Variants in KIF15 observed in about 807,000 individuals in gnomAD.
KIF15 encodes the protein kinesin-like protein KIF15.
A neutral mutation model predicts 190.6 loss-of-function variants in KIF15; 140 were observed. The observed-to-expected ratio is 0.73, with a 90% confidence interval of 0.64 to 0.84. The LOEUF is 0.84. KIF15 is among the 40% of genes least tolerant of loss of function. The pLI is 0.00. For missense variants in KIF15, 1,372 were observed against 1,584.4 expected (o/e 0.87, Z 2.28); for synonymous variants, 528 against 551.3 (o/e 0.96, Z 0.59).
intron 32 of KIF15, 139 bp downstream of exon 32, chr3:44,848,697 T>C: frequency 2.4e-6 from 1 of 419,640 alleles, no homozygotes; most frequent in Non-Finnish European, 4.3e-6. Flanking sequence ...CAGATTTTTT[T>C]TTAAATACCA....
chr3:44,829,083 C>T (rs935714065), intron 24 of KIF15, among the ~76,000 whole-genome samples: 7 of 151,550 alleles, frequency 4.6e-5, no homozygotes, highest in Non-Finnish European at 7.4e-5. Context: ...TGATGCCAGG[C>T]GCAGTGGCTC....
chr3:44,821,266 C>G (rs35195370), intron 20 of KIF15, among the ~76,000 whole-genome samples: 1 of 151,158 alleles, frequency 6.6e-6, no homozygotes, highest in Non-Finnish European at 1.5e-5. Context: ...CTGACCCCCC[C>G]ACCTCCCTCC....
intron 15 of KIF15, 39 bp from the exon 16 acceptor site, chr3:44,805,806 C>T: frequency 6.4e-7 from 1 of 1,573,266 alleles, no homozygotes; most frequent in Non-Finnish European, 8.7e-7. Context: ...TTTGACATTA[C>T]TTATTACCTG....
chr3:44,797,697 C>A lies in KIF15; in HGVS notation c.975+21C>A, dbSNP rs114018677. On this transcript the variant is annotated intron_variant, in intron 9 of 34. Coordinates refer to ENST00000326047, the MANE Select transcript of KIF15 (RefSeq NM_020242.3). The stretch of plus-strand genomic sequence containing the variant: ...TACGGGTAAAGTAGATCCTTGGGTT[C>A]CTGGGCTCCTTTTGGTTATGCTAAA... 2.3e-3 allele frequency: 3,627 copies of A among 1,611,938 alleles called. 50 individuals are homozygous for A. The African/African-American group carries it at 0.033, about 15-fold the overall frequency.
chr3:44,762,051 C>A (rs1046247060), intron 1 of KIF15, among the ~76,000 whole-genome samples, 167 bp downstream of exon 1: 3 of 152,216 alleles, frequency 2.0e-5, no homozygotes, highest in Non-Finnish European at 4.4e-5. Flanking sequence ...AAAGACAATA[C>A]GCTAGCCGAA....
chr3:44,812,400 C>T (rs2125659167), intron 18 of KIF15, 111 bp downstream of exon 18: 1 of 732,564 alleles, frequency 1.4e-6, no homozygotes, highest in East Asian at 2.7e-5. Context: ...GAAACATATT[C>T]AGAGAGTATC....
Position 44,838,262 on chromosome 3 carries a change from T to C in KIF15, c.3172-13T>C. 6.3e-7 allele frequency: 1 copy of C among 1,581,604 alleles called. No homozygotes were observed. The highest frequency in any genetic ancestry group is 1.2e-5 in the South Asian group (1 of 86,020). On this transcript the variant is annotated splice_polypyrimidine_tract_variant and intron_variant, in intron 26 of 34. Coordinates refer to ENST00000326047, the MANE Select transcript of KIF15 (RefSeq NM_020242.3). Reference sequence around the variant, plus strand: ...ACCATAATTAAGAAACTGTGATGATTGTCTCCTAACAGAGGGATATGCTCT... The same window carrying C: ...ACCATAATTAAGAAACTGTGATGATCGTCTCCTAACAGAGGGATATGCTCT...
chr3:44,777,979 ATAGT>A lies in KIF15; in HGVS notation c.247-134_247-131del, dbSNP rs1219057552. On this transcript the variant is annotated intron_variant, in intron 3 of 34. Coordinates refer to ENST00000326047, the MANE Select transcript of KIF15 (RefSeq NM_020242.3). ...TATGTGTAAAGTTGAATCATCTTAG[ATAGT>A]TTAGCCTTTTTTCTGTAGTGGATGT... 9 of 694,978 alleles carry A rather than the reference ATAGT, an allele frequency of 1.3e-5. No individual in the cohort carries two copies. The Admixed American group carries it at 1.9e-4, about 15-fold the overall frequency. 43.1% of individuals were successfully genotyped at this position (694,978 alleles called of 1,614,324 possible).
intron 34 of KIF15, 74 bp downstream of exon 34, chr3:44,852,413 C>T (rs748120782): frequency 1.7e-5 from 23 of 1,380,454 alleles, no homozygotes; most frequent in Non-Finnish European, 2.3e-5. Context: ...CAAATTAAAA[C>T]TTAATTATTG....
At chr3:44,868,396 C>G (rs1196801835) in intron 6 of KIF15, among the ~76,000 whole-genome samples, 1 of 152,116 alleles carries the variant, frequency 6.6e-6, no homozygotes, top group African/African-American at 2.4e-5. Flanking sequence ...CTTTTCTATT[C>G]TATTCTAATT....
chr3:44,778,275 G>C (rs1705992496), intron 4 of KIF15, 84 bp downstream of exon 4: 5 of 1,089,562 alleles, frequency 4.6e-6, no homozygotes, highest in Non-Finnish European at 7.1e-6. Flanking sequence ...CACAAACGTA[G>C]TGGCTTAAAA....
rs571650189 is a variant in KIF15 at position 44,782,838 on chromosome 3, C to CA, written c.361+1917dup. ...ACACCCAAGGATGTTTGAAGACCAG[C>CA]AGAAGACCCACTGAGAGTGGAGTTT... On this transcript the variant is annotated intron_variant, in intron 5 of 34. Coordinates refer to ENST00000326047, the MANE Select transcript of KIF15 (RefSeq NM_020242.3). Among the ~76,000 whole-genome samples, 137 of 152,228 alleles carry CA rather than the reference C, an allele frequency of 9.0e-4. 1 individual carries two copies. The highest frequency in any genetic ancestry group is 3.2e-3 in the African/African-American group (133 of 41,546).
intron 26 of KIF15, 88 bp downstream of exon 26, chr3:44,831,106 A>G: frequency 7.1e-7 from 1 of 1,413,782 alleles, no homozygotes; most frequent in Non-Finnish European, 9.6e-7. Context: ...ATGAATAAAT[A>G]CAGGATTTTT....
At chr3:44,857,052 T>G (rs1699196765), downstream of KIF15, among the ~76,000 whole-genome samples, 1 of 152,074 alleles carries the variant, frequency 6.6e-6, no homozygotes, top group Admixed American at 6.6e-5. Context: ...GGAACTGCCA[T>G]CAGTAAACCA....
At chr3:44,827,731 G>T (rs1316322060) in intron 23 of KIF15, among the ~76,000 whole-genome samples, 1 of 152,128 alleles carries the variant, frequency 6.6e-6, no homozygotes, top group East Asian at 1.9e-4. Flanking sequence ...CACCCAGGCT[G>T]CAGTGCAGTG....
At chr3:44,857,339 T>C (rs1699199393), downstream of KIF15, among the ~76,000 whole-genome samples, 2 of 152,124 alleles carry the variant, frequency 1.3e-5, no homozygotes, top group African/African-American at 2.4e-5. Flanking sequence ...GAGTTGAGCA[T>C]AGTTTGTGAT....
chr3:44,775,560 A>G, intron 3 of KIF15, 123 bp downstream of exon 3: 1 of 641,366 alleles, frequency 1.6e-6, no homozygotes, highest in Non-Finnish European at 2.6e-6. Context: ...GGTTCAAGTG[A>G]TTCTCCTGCC....
At chr3:44,811,821 G>A (rs1397021477) in intron 17 of KIF15, among the ~76,000 whole-genome samples, 1 of 152,098 alleles carries the variant, frequency 6.6e-6, no homozygotes, top group Non-Finnish European at 1.5e-5. Context: ...CCAAACCCCA[G>A]TATTTTGTCC....
At chr3:44,774,289 G>T in intron 1 of KIF15, 106 bp from the exon 2 acceptor site, 1 of 890,080 alleles carries the variant, frequency 1.1e-6, no homozygotes, top group South Asian at 1.5e-5. Flanking sequence ...TAAAGTCAGG[G>T]ATCTGAGGAG....
Sources: allele counts gnomAD v4.1 joint callset (sites outside exome capture counted in the v4.1 genomes callset), GRCh38; gene constraint gnomAD v4.1.1; transcripts MANE v1.5; gene names NCBI Gene and HGNC (gene_info 2026-07-23, HGNC 2026-07-21).